Variants in SULT2A1 observed in about 807,000 individuals in gnomAD.
SULT2A1 encodes sulfotransferase family 2A member 1.
A neutral mutation model predicts 33.9 loss-of-function variants in SULT2A1; 43 were observed. The ratio of observed to expected loss-of-function variants is 1.27; its 90% confidence interval spans 1.00 to 1.64. The LOEUF (loss-of-function observed/expected upper bound fraction) is 1.64. Ranked by LOEUF, SULT2A1 falls within the 40% of genes most tolerant of loss-of-function variation. SULT2A1 has a pLI of 0.00. For missense variants in SULT2A1, 300 were observed against 335.1 expected, an observed-to-expected ratio of 0.90 and a Z score of 0.82; for synonymous variants, 125 against 113.6, an observed-to-expected ratio of 1.10 and a Z score of -0.64.
At chr19:47,883,506 C>G (rs1231573411) in intron 2 of SULT2A1, 71 bp downstream of exon 2, 2 of 1,452,930 alleles carry the variant, frequency 1.4e-6, no homozygotes, top group Admixed American at 3.4e-5. Context: ...AGCAAGATCT[C>G]CAGATGACTT....
At position 47,879,064 on chromosome 19, in the gene SULT2A1, A is replaced by T; in HGVS notation, c.539T>A (p.Leu180Gln). 1 of 1,613,684 alleles carries T rather than the reference A, an allele frequency of 6.2e-7. No homozygotes were observed. The highest frequency in any genetic ancestry group is 8.5e-7 in the Non-Finnish European group (1 of 1,179,622). Residue 180 changes from leucine (L) to glutamine (Q), a missense_variant, in exon 4 of 6, where the codon CTG becomes CAG. Coordinates refer to ENST00000222002, the MANE Select transcript of SULT2A1 (RefSeq NM_003167.4). Reference protein sequence around the residue: ...WMPMREEKNFLLLSYEELKQD... With the variant: ...WMPMREEKNFQLLSYEELKQD... ...TTTCAGCTCCTCATAACTCAGTAAC[A>T]GGAAGTTTTTCTCCTCTCTCATGGG...
intron 2 of SULT2A1, among the ~76,000 whole-genome samples, chr19:47,883,280 T>C (rs1968620039): frequency 6.6e-6 from 1 of 151,982 alleles, no homozygotes; most frequent in South Asian, 2.1e-4. Flanking sequence ...TAGTATATAA[T>C]ATGGCTATAC....
chr19:47,884,969 G>A (rs373546673), intron 1 of SULT2A1, among the ~76,000 whole-genome samples: 9 of 151,794 alleles, frequency 5.9e-5, no homozygotes, highest in East Asian at 1.9e-4. Flanking sequence ...GCGCCACAGC[G>A]CCTGGCTAAT....
chr19:47,872,098 A>G (rs1968498185), intron 5 of SULT2A1, among the ~76,000 whole-genome samples: 2 of 152,004 alleles, frequency 1.3e-5, no homozygotes, highest in Non-Finnish European at 1.5e-5. Context: ...TTGTATTTTT[A>G]GTAGAGATGG....
intron 2 of SULT2A1, among the ~76,000 whole-genome samples, chr19:47,883,149 G>A (rs936599745): frequency 1.3e-5 from 2 of 152,020 alleles, no homozygotes; most frequent in African/African-American, 4.8e-5. Flanking sequence ...CCTGGATACA[G>A]GCATTGATTG....
chr19:47,878,386 AGACTGGAGTCTTGCTGG>A, intron 4 of SULT2A1, among the ~76,000 whole-genome samples: 1 of 151,484 alleles, frequency 6.6e-6, no homozygotes, highest in South Asian at 2.1e-4. Context: ...GCTGTTTCGT[AGACTGGAGTCTTGCTGG>A]TCTCAAACTC....
chr19:47,877,618 C>T (rs1457601286), intron 4 of SULT2A1, among the ~76,000 whole-genome samples: 12 of 147,404 alleles, frequency 8.1e-5, no homozygotes, highest in African/African-American at 2.5e-4. Context: ...GGTGTGATCT[C>T]GGCTCACTGC....
At chr19:47,879,010 A>G in intron 4 of SULT2A1, 26 bp downstream of exon 4, 3 of 1,425,952 alleles carry the variant, frequency 2.1e-6, no homozygotes, top group Non-Finnish European at 3.0e-6. Flanking sequence ...GAGGGTGTGC[A>G]CTGACTCTAA....
At chr19:47,874,195 G>A (rs188354031) in intron 5 of SULT2A1, among the ~76,000 whole-genome samples, 4 of 152,238 alleles carry the variant, frequency 2.6e-5, no homozygotes, top group Admixed American at 6.5e-5. Flanking sequence ...ACCACAAGAA[G>A]AGGCTCCCTG....
chr19:47,877,277 C>T lies in SULT2A1; in HGVS notation c.567+1759G>A, dbSNP rs1968555695. Among the ~76,000 whole-genome samples the T allele has an allele frequency of 2.7e-5, 4 of 150,160 alleles. No homozygotes were observed. The South Asian group carries it at 8.4e-4, about 32-fold the overall frequency. On this transcript the variant is annotated intron_variant, in intron 4 of 5. Transcript: ENST00000222002. ...TTTGAGATGGAGTCTTGCTCTGTTGCCCAGGCTGGAGTGCAATGGCATGAT... is the reference window on the plus strand; with the variant it reads ...TTTGAGATGGAGTCTTGCTCTGTTGTCCAGGCTGGAGTGCAATGGCATGAT...
intron 1 of SULT2A1, among the ~76,000 whole-genome samples, chr19:47,884,218 C>A (rs1330759763): frequency 6.6e-6 from 1 of 151,314 alleles, no homozygotes; most frequent in African/African-American, 2.4e-5. Context: ...GTCACCCAGG[C>A]TGGAGTGCAA....
At chr19:47,873,614 C>CTTTTTTTTTTTTTTTTTTTTT (rs61271763) in intron 5 of SULT2A1, among the ~76,000 whole-genome samples, 3 of 62,062 alleles carry the variant, frequency 4.8e-5, no homozygotes, top group African/African-American at 2.3e-4. Flanking sequence ...GGACAGATCT[C>CTTTTTTTTTTTTTTTTTTTTT]TTTTTTTTTT....
At position 47,871,093 on chromosome 19, in the gene SULT2A1, C is replaced by T. The variant is rs991853993; in HGVS notation, c.*362G>A. On this transcript the variant is annotated 3_prime_UTR_variant, in exon 6 of 6. Coordinates refer to ENST00000222002, the MANE Select transcript of SULT2A1 (RefSeq NM_003167.4). Reference sequence around the variant, plus strand: ...TCCTGACCCCGTGATCCTCCCCCACCCCCCCGACCTCCCAAAGTGCTGGGA... The same window carrying T: ...TCCTGACCCCGTGATCCTCCCCCACTCCCCCGACCTCCCAAAGTGCTGGGA... 5 of 174,962 alleles carry T rather than the reference C, an allele frequency of 2.9e-5. No individual in the cohort carries two copies. The highest frequency in any genetic ancestry group is 9.6e-5 in the African/African-American group (4 of 41,856). 10.8% of individuals were successfully genotyped at this position (174,962 alleles called of 1,614,324 possible).
At position 47,886,199 on chromosome 19, in the gene SULT2A1, G is replaced by T; in HGVS notation, c.59C>A (p.Ser20Tyr). The change falls in exon 1 of 6, where the codon TCC becomes TAC. Residue 20 changes from serine (S) to tyrosine (Y), a missense_variant. Transcript: ENST00000222002. The stretch of plus-strand genomic sequence containing the variant: ...ATCACGTACTTTTCTTAAGGTTTCG[G>T]ATCTGAAACCCATAGTAGGGAAAGC... ...GIAFPTMGFR[S>Y]ETLRKVRDEF... is the part of the protein sequence containing the mutation. The T allele has an allele frequency of 6.2e-7, 1 of 1,614,000 alleles. No homozygotes were observed. Among genetic ancestry groups the T allele is most frequent in the Non-Finnish European group, 8.5e-7 (1 of 1,180,006 alleles).
chr19:47,885,506 G>T (rs2122159430), intron 1 of SULT2A1, among the ~76,000 whole-genome samples: 1 of 152,204 alleles, frequency 6.6e-6, no homozygotes, highest in East Asian at 1.9e-4. Context: ...GGATATCTGG[G>T]TTGCTTCCAT....
Position 47,886,198 on chromosome 19 carries a change from G to C in SULT2A1, c.60C>G (p.Ser20=). The C allele has an allele frequency of 6.2e-7, 1 of 1,613,812 alleles. No individual in the cohort carries two copies. The highest frequency in any genetic ancestry group is 8.5e-7 in the Non-Finnish European group (1 of 1,179,886). Residue 20 remains serine, a synonymous_variant, in exon 1 of 6, where the codon TCC becomes TCG. Transcript: ENST00000222002. ...CATCACGTACTTTTCTTAAGGTTTC[G>C]GATCTGAAACCCATAGTAGGGAAAG... ...GIAFPTMGFR[S]ETLRKVRDEF...
chr19:47,878,057 T>C (rs1968564734), intron 4 of SULT2A1, among the ~76,000 whole-genome samples: 1 of 152,190 alleles, frequency 6.6e-6, no homozygotes, highest in South Asian at 2.1e-4. Context: ...CCATCCTCTC[T>C]TCCAGCGCCC....
At chr19:47,882,036 G>T (rs1968609128) in intron 3 of SULT2A1, 48 bp downstream of exon 3, 1 of 1,602,226 alleles carries the variant, frequency 6.2e-7, no homozygotes, top group Non-Finnish European at 8.5e-7. Context: ...TGTCAAAAGA[G>T]GTCGGCTAGA....
At chr19:47,880,478 A>T (rs1341462403) in intron 3 of SULT2A1, among the ~76,000 whole-genome samples, 1 of 151,912 alleles carries the variant, frequency 6.6e-6, no homozygotes, top group African/African-American at 2.4e-5. Flanking sequence ...TAACATATTC[A>T]TTTCCTCATA....
Sources: allele counts gnomAD v4.1 joint callset (sites outside exome capture counted in the v4.1 genomes callset), GRCh38; gene constraint gnomAD v4.1.1; transcripts MANE v1.5; gene names NCBI Gene and HGNC (gene_info 2026-07-23, HGNC 2026-07-21).